The following TGFBR2 variants were observed in gnomAD, a reference collection of about 807,000 sequenced individuals.
TGFBR2 encodes the protein transforming growth factor beta receptor 2.
In TGFBR2, 18 loss-of-function variants were observed where a neutral mutation model predicts 49.0. That is an observed-to-expected ratio of 0.37 (90% CI 0.25 to 0.54). The LOEUF is 0.54. Ranked by LOEUF, TGFBR2 falls within the 20% of genes least tolerant of loss-of-function variation. TGFBR2 has a pLI of 0.85. For synonymous variants in TGFBR2, 282 were observed against 275.9 expected (o/e 1.02, Z -0.22); for missense variants, 525 against 722.6 (o/e 0.73, Z 3.13).
intron 1 of TGFBR2, among the ~76,000 whole-genome samples, chr3:30,613,662 A>AG (rs1235876712): frequency 1.3e-5 from 2 of 152,198 alleles, no homozygotes; most frequent in Non-Finnish European, 2.9e-5. Flanking sequence ...ACCAGGGCTC[A>AG]GGATGATGTC....
chr3:30,664,683 C>T (rs939008982), intron 3 of TGFBR2, among the ~76,000 whole-genome samples: 4 of 152,220 alleles, frequency 2.6e-5, no homozygotes, highest in East Asian at 1.9e-4. Context: ...CGCGCGTGCG[C>T]GCACACACAC....
chr3:30,682,490 A>T (rs1699556799), intron 5 of TGFBR2, among the ~76,000 whole-genome samples: 1 of 152,156 alleles, frequency 6.6e-6, no homozygotes, highest in Admixed American at 6.5e-5. Flanking sequence ...CTCTGGACTC[A>T]GCCCACACAC....
chr3:30,633,171 G>A (rs1196647243), intron 1 of TGFBR2, among the ~76,000 whole-genome samples: 1 of 152,092 alleles, frequency 6.6e-6, no homozygotes, highest in Admixed American at 6.6e-5. Flanking sequence ...TTCTCTCATT[G>A]ATATGATATG....
chr3:30,607,039 T>C, intron 1 of TGFBR2, 62 bp downstream of exon 1: 1 of 1,422,726 alleles, frequency 7.0e-7, no homozygotes. Flanking sequence ...TCCCCGCCTC[T>C]CCGCTGCGCT....
At chr3:30,619,716 A>G (rs1698193582) in intron 1 of TGFBR2, among the ~76,000 whole-genome samples, 1 of 152,080 alleles carries the variant, frequency 6.6e-6, no homozygotes, top group East Asian at 1.9e-4. Context: ...TGTGCCCTAC[A>G]ACGGCTCCAC....
intron 5 of TGFBR2, among the ~76,000 whole-genome samples, chr3:30,678,212 C>T (rs1001907613): frequency 6.6e-6 from 1 of 152,058 alleles, no homozygotes; most frequent in African/African-American, 2.4e-5. Context: ...TGATCTGACC[C>T]ATCGAGCCAG....
chr3:30,629,399 AAAG>A lies in TGFBR2; in HGVS notation c.95-15342_95-15340del, dbSNP rs138954613. The stretch of plus-strand genomic sequence containing the variant: ...CATGAACCAGCTCCTCCCAGTGGGG[AAAG>A]AAGAACTCTCTTTGACTTCAGAACT... On this transcript the variant is annotated intron_variant, in intron 1 of 6. Coordinates refer to ENST00000295754, the MANE Select transcript of TGFBR2 (RefSeq NM_003242.6). 4.1e-3 allele frequency among the ~76,000 whole-genome samples: 626 copies of A among 152,236 alleles called. 4 individuals are homozygous for A. The highest frequency in any genetic ancestry group is 0.015 in the South Asian group (74 of 4,820).
intron 2 of TGFBR2, among the ~76,000 whole-genome samples, chr3:30,646,970 AATAC>A (rs1463201302): frequency 1.3e-5 from 2 of 152,168 alleles, no homozygotes; most frequent in Non-Finnish European, 2.9e-5. Flanking sequence ...ATAAAGGGTA[AATAC>A]AATGAACATT....
At chr3:30,664,320 T>G (rs2125425788) in intron 3 of TGFBR2, among the ~76,000 whole-genome samples, 1 of 152,102 alleles carries the variant, frequency 6.6e-6, no homozygotes, top group African/African-American at 2.4e-5. Flanking sequence ...GCTTCAAAGC[T>G]TTTGTTCTTT....
chr3:30,651,497 C>T (rs1263773932), intron 3 of TGFBR2, among the ~76,000 whole-genome samples: 1 of 152,178 alleles, frequency 6.6e-6, no homozygotes, highest in African/African-American at 2.4e-5. Context: ...TTTTTATACC[C>T]AACCACTTTT....
intron 5 of TGFBR2, among the ~76,000 whole-genome samples, chr3:30,679,904 G>T (rs1699509634): frequency 6.6e-6 from 1 of 152,246 alleles, no homozygotes; most frequent in Non-Finnish European, 1.5e-5. Context: ...GAGGAAGGCA[G>T]ATCATGAGGT....
intron 1 of TGFBR2, among the ~76,000 whole-genome samples, chr3:30,612,916 G>C (rs1363134361): frequency 6.6e-6 from 1 of 152,084 alleles, no homozygotes; most frequent in Admixed American, 6.5e-5. Context: ...GCCACAGTCA[G>C]CTTTCTAGGT....
chr3:30,644,652 C>A, intron 1 of TGFBR2, 95 bp from the exon 2 acceptor site: 1 of 1,193,356 alleles, frequency 8.4e-7, no homozygotes, highest in Non-Finnish European at 1.2e-6. Context: ...CTCATGACAT[C>A]AAGTTCATTT....
chr3:30,648,460 A>ACCCC (rs759880041), intron 2 of TGFBR2, among the ~76,000 whole-genome samples: 5 of 142,384 alleles, frequency 3.5e-5, no homozygotes, highest in African/African-American at 1.1e-4. Context: ...ACACACACAC[A>ACCCC]CAAAACTGTG....
intron 2 of TGFBR2, among the ~76,000 whole-genome samples, chr3:30,645,819 C>CCTCT (rs4016205): frequency 0.033 from 4,807 of 147,768 alleles, 99 homozygotes; most frequent in Non-Finnish European, 0.046. Flanking sequence ...CACATTTTCT[C>CCTCT]CTCTCTCTCT....
chr3:30,656,713 G>T (rs1158094550), intron 3 of TGFBR2, among the ~76,000 whole-genome samples: 1 of 152,186 alleles, frequency 6.6e-6, no homozygotes, highest in African/African-American at 2.4e-5. Context: ...TGCTAACTTA[G>T]AACTGAACTG....
chr3:30,639,470 C>T (rs186170384), intron 1 of TGFBR2, among the ~76,000 whole-genome samples: 65 of 152,338 alleles, frequency 4.3e-4, no homozygotes, highest in Non-Finnish European at 7.3e-5. Flanking sequence ...TTGATTTCTG[C>T]CTGAGTTCCC....
At chr3:30,652,324 T>TCCCAGGTTC (rs1698908306) in intron 3 of TGFBR2, among the ~76,000 whole-genome samples, 1 of 136,280 alleles carries the variant, frequency 7.3e-6, no homozygotes, top group Admixed American at 8.2e-5. Flanking sequence ...AACCTCTGCC[T>TCCCAGGTTC]CCCAGGTTCA....
At chr3:30,643,036 T>A (rs1053080240) in intron 1 of TGFBR2, among the ~76,000 whole-genome samples, 2 of 152,220 alleles carry the variant, frequency 1.3e-5, no homozygotes, top group Non-Finnish European at 2.9e-5. Context: ...CTTAAATTTA[T>A]ATACGTTTAT....
Sources: gnomAD v4.1 joint callset for allele counts (sites outside exome capture counted in the v4.1 genomes callset) on GRCh38, gnomAD v4.1.1 for gene constraint, MANE v1.5 for transcripts, NCBI Gene and HGNC (gene_info 2026-07-23, HGNC 2026-07-21) for gene names.